DPP10: variants seen among roughly 807,000 people sequenced by gnomAD.
DPP10 encodes inactive dipeptidyl peptidase 10.
Under a neutral mutation model 120.9 loss-of-function variants are expected in DPP10, and 33 were observed. The ratio of observed to expected loss-of-function variants is 0.27; its 90% CI spans 0.21 to 0.37. The LOEUF is 0.37. Ranked by LOEUF, DPP10 falls within the 10% of genes least tolerant of loss-of-function variation. The probability of loss-of-function intolerance (pLI) is 1.00; values close to 1 mark genes in which losing one functional copy is unlikely to be tolerated. For missense variants in DPP10, 816 were observed against 942.8 expected, an observed-to-expected ratio of 0.87 and a Z score of 1.76; for synonymous variants, 337 against 326.1, an observed-to-expected ratio of 1.03 and a Z score of -0.36.
In DPP10 at chr2:115,672,777, C is replaced by T. The variant is rs1559010881; in HGVS notation, c.442-16910C>T. 4.7e-5 allele frequency among the ~76,000 whole-genome samples: 7 copies of T among 150,380 alleles called. 1 individual carries two copies. Among genetic ancestry groups the T allele is most frequent in the African/African-American group, 1.2e-4 (5 of 40,824 alleles). ...TTCTCTTTTTATTGAGACAAAGTCT[C>T]ACTTTGTCACCCAGGCTGGAGTGCA... On this transcript the variant is annotated intron_variant, in intron 5 of 25. Transcript: ENST00000410059.
intron 10 of DPP10, among the ~76,000 whole-genome samples, chr2:115,750,371 C>T (rs182128347): frequency 5.4e-4 from 82 of 152,300 alleles, no homozygotes; most frequent in Middle Eastern, 3.4e-3. Context: ...ATGTGTCAAG[C>T]TCTACTTGAG....
At chr2:115,477,871 T>C (rs986998209) in intron 3 of DPP10, among the ~76,000 whole-genome samples, 2 of 152,068 alleles carry the variant, frequency 1.3e-5, no homozygotes, top group Non-Finnish European at 2.9e-5. Flanking sequence ...AAATGGGATG[T>C]ATAGGAAGCA....
At chr2:115,057,017 A>G (rs1705974226) in intron 1 of DPP10, among the ~76,000 whole-genome samples, 1 of 152,236 alleles carries the variant, frequency 6.6e-6, no homozygotes, top group South Asian at 2.1e-4. Context: ...TAAGTCTAAA[A>G]GAGGAGAACT....
At chr2:115,006,916 T>C (rs1701890722) in intron 1 of DPP10, among the ~76,000 whole-genome samples, 1 of 151,952 alleles carries the variant, frequency 6.6e-6, no homozygotes, top group South Asian at 2.1e-4. Context: ...AGAATATACA[T>C]TTTTTTCAGC....
intron 7 of DPP10, among the ~76,000 whole-genome samples, chr2:115,710,429 G>A (rs951492080): frequency 1.3e-5 from 2 of 152,030 alleles, no homozygotes; most frequent in African/African-American, 4.8e-5. Context: ...TTTTACATGA[G>A]ATTATTATCT....
At chr2:115,092,769 G>C (rs1573584037) in intron 1 of DPP10, among the ~76,000 whole-genome samples, 1 of 152,012 alleles carries the variant, frequency 6.6e-6, no homozygotes, top group African/African-American at 2.4e-5. Context: ...TTTTACCTTT[G>C]ATTGAGTTTT....
chr2:114,525,176 T>G (rs997591830), intron 1 of DPP10, among the ~76,000 whole-genome samples: 5 of 152,318 alleles, frequency 3.3e-5, no homozygotes, highest in African/African-American at 1.2e-4. Flanking sequence ...AAGAATTGGT[T>G]AAACTCAAAA....
intron 15 of DPP10, among the ~76,000 whole-genome samples, chr2:115,778,050 T>C (rs750491832): frequency 1.3e-5 from 2 of 152,098 alleles, no homozygotes; most frequent in African/African-American, 4.8e-5. Context: ...TGCAGCCTCC[T>C]TATTCTTTTC....
intron 3 of DPP10, among the ~76,000 whole-genome samples, chr2:115,466,253 G>A (rs1387703405): frequency 1.3e-5 from 2 of 152,038 alleles, no homozygotes; most frequent in Admixed American, 6.6e-5. Context: ...ACTTCAAAAC[G>A]TCTGATATGG....
At chr2:114,616,088 C>G (rs1693653938) in intron 1 of DPP10, among the ~76,000 whole-genome samples, 1 of 152,108 alleles carries the variant, frequency 6.6e-6, no homozygotes, top group Non-Finnish European at 1.5e-5. Context: ...GATAGTTTGT[C>G]TATTAGTAAT....
At chr2:115,291,263 C>G (rs894006296) in intron 1 of DPP10, among the ~76,000 whole-genome samples, 3 of 152,088 alleles carry the variant, frequency 2.0e-5, no homozygotes, top group African/African-American at 7.2e-5. Flanking sequence ...CTTGACCTCC[C>G]AAAGTGCTCA....
chr2:114,777,821 C>G (rs1162000773), intron 1 of DPP10, among the ~76,000 whole-genome samples: 1 of 152,028 alleles, frequency 6.6e-6, no homozygotes, highest in African/African-American at 2.4e-5. Context: ...AACCAAGATG[C>G]TTTATAGTAA....
chr2:114,576,433 A>C (rs1027237056), intron 1 of DPP10, among the ~76,000 whole-genome samples: 10 of 152,222 alleles, frequency 6.6e-5, no homozygotes, highest in Non-Finnish European at 1.2e-4. Flanking sequence ...AAGGAGCTAC[A>C]TTCTTAGAGG....
At chr2:115,496,193 A>G (rs1403172777) in intron 3 of DPP10, among the ~76,000 whole-genome samples, 1 of 152,060 alleles carries the variant, frequency 6.6e-6, no homozygotes, top group Non-Finnish European at 1.5e-5. Context: ...AACAAAAAAA[A>G]CCCCAAGAAA....
At chr2:115,104,610 C>T (rs1201301987) in intron 1 of DPP10, among the ~76,000 whole-genome samples, 3 of 152,122 alleles carry the variant, frequency 2.0e-5, no homozygotes, top group South Asian at 2.1e-4. Context: ...TTTTCCTTTG[C>T]CAATAACTCA....
chr2:114,745,059 C>T (rs904086552), intron 1 of DPP10, among the ~76,000 whole-genome samples: 1 of 152,162 alleles, frequency 6.6e-6, no homozygotes, highest in Non-Finnish European at 1.5e-5. Flanking sequence ...CGTGCCTGGC[C>T]ACAATGCCTG....
chr2:115,460,973 T>C (rs933261405), intron 3 of DPP10, among the ~76,000 whole-genome samples: 9 of 152,174 alleles, frequency 5.9e-5, no homozygotes, highest in African/African-American at 1.9e-4. Flanking sequence ...TTCAGAGTTA[T>C]GGGGGATTGA....
intron 8 of DPP10, 71 bp downstream of exon 8, chr2:115,728,007 C>G (rs370271811): frequency 1.3e-6 from 2 of 1,505,708 alleles, no homozygotes; most frequent in East Asian, 4.8e-5. Context: ...CAAAAAAAAT[C>G]TATTCATTCC....
chr2:115,167,440 AAAG>A (rs1474850125), intron 1 of DPP10, among the ~76,000 whole-genome samples: 4 of 148,238 alleles, frequency 2.7e-5, no homozygotes, highest in Non-Finnish European at 5.9e-5. Context: ...AATAAAAAGA[AAAG>A]AAAGAAAGAA....
Sources: allele counts gnomAD v4.1 joint callset (sites outside exome capture counted in the v4.1 genomes callset), GRCh38; gene constraint gnomAD v4.1.1; transcripts MANE v1.5; gene names NCBI Gene and HGNC (gene_info 2026-07-23, HGNC 2026-07-21).